Variants in APH1B observed in about 807,000 individuals in gnomAD.
The protein encoded by APH1B is aph-1B gamma-secretase subunit, also known as gamma-secretase subunit APH-1B.
In APH1B, 27 loss-of-function variants were observed where a neutral mutation model predicts 28.2. The ratio of observed to expected loss-of-function variants is 0.96; its 90% confidence interval spans 0.70 to 1.32. The LOEUF (loss-of-function observed/expected upper bound fraction) is 1.32. Ranked by LOEUF, APH1B falls within the 40% of genes most tolerant of loss-of-function variation. The probability of loss-of-function intolerance (pLI) is 0.00; values close to 1 mark genes in which losing one functional copy is unlikely to be tolerated. For synonymous variants in APH1B, 141 were observed against 124.6 expected, an observed-to-expected ratio of 1.13 and a Z score of -0.88; for missense variants, 305 against 313.6, an observed-to-expected ratio of 0.97 and a Z score of 0.21.
At position 63,297,585 on chromosome 15, in the gene APH1B, G is replaced by A. The variant is rs559593814; in HGVS notation, c.479-4760G>A. ...AGCAAATTTGGGGGTTAGATTTACT[G>A]AAGGACTTTTAGAATTTTATATTTA... On this transcript the variant is annotated intron_variant, in intron 4 of 5. Coordinates refer to ENST00000261879, the MANE Select transcript of APH1B (RefSeq NM_031301.4). 1.2e-3 allele frequency among the ~76,000 whole-genome samples: 180 copies of A among 152,290 alleles called. 3 individuals carry two copies. In the South Asian group the frequency reaches 0.035, roughly 30 times the overall value.
intron 4 of APH1B, among the ~76,000 whole-genome samples, chr15:63,293,681 A>G (rs2038530557): frequency 6.6e-6 from 1 of 151,740 alleles, no homozygotes; most frequent in South Asian, 2.1e-4. Context: ...TATTTTTAGG[A>G]GAGACAGGGC....
chr15:63,290,803 G>C (rs2152596529), intron 4 of APH1B, among the ~76,000 whole-genome samples: 1 of 152,330 alleles, frequency 6.6e-6, no homozygotes, highest in Non-Finnish European at 1.5e-5. Context: ...GCATCTTGTG[G>C]AGTCCTTTAT....
chr15:63,297,085 G>A (rs973260986), intron 4 of APH1B, among the ~76,000 whole-genome samples: 3 of 152,204 alleles, frequency 2.0e-5, no homozygotes, highest in African/African-American at 7.2e-5. Flanking sequence ...GTCACAAACT[G>A]ATATACAGTA....
chr15:63,301,873 A>G (rs1248151408), intron 4 of APH1B, among the ~76,000 whole-genome samples: 1 of 152,166 alleles, frequency 6.6e-6, no homozygotes, highest in East Asian at 1.9e-4. Flanking sequence ...GGCCTCCCAA[A>G]GTGCTGGGAT....
chr15:63,289,585 C>T (rs1007516280), intron 4 of APH1B, among the ~76,000 whole-genome samples: 1 of 152,202 alleles, frequency 6.6e-6, no homozygotes, highest in Admixed American at 6.5e-5. Context: ...AATTTCACAC[C>T]TGACCTTGTG....
chr15:63,302,199 A>T, intron 4 of APH1B, 146 bp from the exon 5 acceptor site: 1 of 889,796 alleles, frequency 1.1e-6, no homozygotes, highest in Admixed American at 2.8e-5. Context: ...TTGCTTTTTG[A>T]GTGTGTCAAG....
chr15:63,279,435 T>TC, intron 2 of APH1B, 104 bp downstream of exon 2: 1 of 1,058,660 alleles, frequency 9.4e-7, no homozygotes, highest in South Asian at 2.1e-5. Context: ...CCCTCCTACA[T>TC]AGTACTAAGC....
intron 3 of APH1B, 106 bp from the exon 4 acceptor site, chr15:63,287,318 A>C: frequency 6.8e-7 from 1 of 1,477,106 alleles, no homozygotes; most frequent in Non-Finnish European, 9.2e-7. Context: ...CAGGAAGAAC[A>C]TAAGCACCCT....
chr15:63,305,953 A>T lies in APH1B; in HGVS notation c.*172A>T. On this transcript the variant is annotated 3_prime_UTR_variant, in exon 6 of 6. Coordinates refer to ENST00000261879, the MANE Select transcript of APH1B (RefSeq NM_031301.4). ...CAACTGCTCTCCGAAAGGGGTGCTC[A>T]GTGGTGTGCGTCCTGGCTGCACGAG... The T allele has an allele frequency of 1.2e-6, 1 of 830,398 alleles. No individual in the cohort carries two copies. The highest frequency in any genetic ancestry group is 3.0e-5 in the Admixed American group (1 of 32,822). 51.4% of individuals were successfully genotyped at this position (830,398 alleles called of 1,614,324 possible).
chr15:63,299,506 G>T (rs915708428), intron 4 of APH1B, among the ~76,000 whole-genome samples: 1 of 152,058 alleles, frequency 6.6e-6, no homozygotes, highest in Admixed American at 6.6e-5. Context: ...CCAGGTTCAC[G>T]CCATTCTCCT....
chr15:63,303,874 AACACACAC>A (rs113837395), intron 5 of APH1B, among the ~76,000 whole-genome samples: 367 of 145,690 alleles, frequency 2.5e-3, no homozygotes, highest in African/African-American at 7.4e-3. Context: ...ACACACACAC[AACACACAC>A]ACACACACAC....
In APH1B at chr15:63,306,468, A is replaced by G. The variant is rs1208097775; in HGVS notation, c.*687A>G. ...GGCATTACATTGTTTTTGAGTATAGATTACATTTTATTAACTAAAAATGAT... is the reference window on the plus strand; with the variant it reads ...GGCATTACATTGTTTTTGAGTATAGGTTACATTTTATTAACTAAAAATGAT... On this transcript the variant is annotated 3_prime_UTR_variant, in exon 6 of 6. Transcript: ENST00000261879. The G allele has an allele frequency of 6.6e-6, 1 of 152,218 alleles. No individual in the cohort carries two copies. Among genetic ancestry groups the G allele is most frequent in the African/African-American group, 2.4e-5 (1 of 41,452 alleles). The allele number at this position is 152,218 out of a possible 1,614,324, so 9.4% of individuals were successfully genotyped here.
intron 3 of APH1B, chr15:63,287,200 A>G (rs113712975): frequency 8.5e-6 from 4 of 471,384 alleles, no homozygotes; most frequent in African/African-American, 6.0e-5. Flanking sequence ...CCCCTTTTTC[A>G]TTACTCTGCT....
rs2038685455 is a variant in APH1B at position 63,306,101 on chromosome 15, C to G, written c.*320C>G. 4.4e-6 allele frequency: 1 copy of G among 229,142 alleles called. No homozygotes were observed. Among genetic ancestry groups the G allele is most frequent in the South Asian group, 7.0e-5 (1 of 14,290 alleles). 14.2% of individuals were successfully genotyped at this position (229,142 alleles called of 1,614,324 possible). A position where few individuals can be genotyped will look rare whatever the true frequency, so the allele number is the denominator to read the frequency against. On this transcript the variant is annotated 3_prime_UTR_variant, in exon 6 of 6. Transcript: ENST00000261879. ...ATTCTGATGTGCAGCCATGTTGAGACCCACTGGTTTGGTATCCAAATAGGA... is the reference window on the plus strand; with the variant it reads ...ATTCTGATGTGCAGCCATGTTGAGAGCCACTGGTTTGGTATCCAAATAGGA...
At position 63,307,863 on chromosome 15, in the gene APH1B, A is replaced by G. The variant is rs2038703016; in HGVS notation, c.*2082A>G. 6.6e-6 allele frequency: 1 copy of G among 152,146 alleles called. No individual in the cohort carries two copies. The highest frequency in any genetic ancestry group is 1.5e-5 in the Non-Finnish European group (1 of 68,020). The allele number at this position is 152,146 out of a possible 1,614,324, so 9.4% of individuals were successfully genotyped here. A position where few individuals can be genotyped will look rare whatever the true frequency, so the allele number is the denominator to read the frequency against. Reference sequence around the variant, plus strand: ...TTTATAAAAACTCAGATGAGAAGAAAATTTTCTTTGATGGTGAGACTGTTG... The same window carrying G: ...TTTATAAAAACTCAGATGAGAAGAAGATTTTCTTTGATGGTGAGACTGTTG... On this transcript the variant is annotated 3_prime_UTR_variant, in exon 6 of 6. Coordinates refer to ENST00000261879, the MANE Select transcript of APH1B (RefSeq NM_031301.4).
intron 2 of APH1B, among the ~76,000 whole-genome samples, chr15:63,280,926 A>G (rs1369396461): frequency 1.3e-5 from 2 of 152,170 alleles, no homozygotes; most frequent in African/African-American, 2.4e-5. Context: ...AGGTAGGCCA[A>G]TTGCTTGAGC....
At chr15:63,284,163 G>C in intron 2 of APH1B, among the ~76,000 whole-genome samples, 1 of 150,022 alleles carries the variant, frequency 6.7e-6, no homozygotes, top group South Asian at 2.1e-4. Flanking sequence ...ACTATTAACA[G>C]TTGTTTATTA....
chr15:63,298,191 G>T (rs375499813), intron 4 of APH1B, among the ~76,000 whole-genome samples: 8 of 152,210 alleles, frequency 5.3e-5, no homozygotes, highest in African/African-American at 1.9e-4. Context: ...AGAATGAAGA[G>T]AAATGCATTT....
chr15:63,296,465 T>A (rs2038569259), intron 4 of APH1B, among the ~76,000 whole-genome samples: 1 of 152,140 alleles, frequency 6.6e-6, no homozygotes. Flanking sequence ...TGATGGCAGT[T>A]TCTGTGCTGG....
Sources: allele counts gnomAD v4.1 joint callset (sites outside exome capture counted in the v4.1 genomes callset), GRCh38; gene constraint gnomAD v4.1.1; transcripts MANE v1.5; gene names NCBI Gene and HGNC (gene_info 2026-07-23, HGNC 2026-07-21).